LURAP1L: variants seen among roughly 807,000 people sequenced by gnomAD.
LURAP1L encodes the protein leucine rich adaptor protein 1 like.
LURAP1L carries 12 observed loss-of-function variants against 13.8 expected under a neutral mutation model. The observed-to-expected ratio is 0.87, with a 90% CI of 0.56 to 1.41. The LOEUF (loss-of-function observed/expected upper bound fraction) is 1.41, where lower values mean the gene tolerates loss of function less well. Among genes scored for constraint, LURAP1L ranks in the 40% most tolerant of loss-of-function variants. The probability of loss-of-function intolerance (pLI) is 0.00; values close to 1 mark genes in which losing one functional copy is unlikely to be tolerated. For synonymous variants in LURAP1L, 139 were observed against 119.2 expected, an observed-to-expected ratio of 1.17 and a Z score of -1.08; for missense variants, 375 against 292.9, an observed-to-expected ratio of 1.28 and a Z score of -2.04.
Position 12,775,991 on chromosome 9 carries a change from G to C in LURAP1L, c.276G>C (p.Arg92Ser). The C allele has an allele frequency of 6.2e-7, 1 of 1,610,226 alleles. No individual in the cohort carries two copies. Among genetic ancestry groups the C allele is most frequent in the Non-Finnish European group, 8.5e-7 (1 of 1,178,586 alleles). Residue 92 changes from arginine (R) to serine (S), a missense_variant, in exon 1 of 2, where the codon AGG becomes AGC. Arg to Ser is a moderately radical substitution (Grantham distance 110). Transcript: ENST00000319264. The part of the protein sequence containing the change: ...PRGSHSSALE[R>S]LETKLHLLRQ... ...GTAGCCACTCTAGCGCCCTGGAGAG[G>C]CTAGAAACCAAGCTTCACCTCCTCA... is the stretch of plus-strand genomic sequence containing the variant.
At chr9:12,776,112 G>A (rs1388220009) in intron 1 of LURAP1L, 85 bp downstream of exon 1, 10 of 1,364,986 alleles carry the variant, frequency 7.3e-6, no homozygotes, top group Non-Finnish European at 1.0e-5. Flanking sequence ...TGGGAGAGAG[G>A]ACGGCAGGGG....
chr9:12,776,999 C>G (rs1436344190), intron 1 of LURAP1L, among the ~76,000 whole-genome samples: 1 of 152,100 alleles, frequency 6.6e-6, no homozygotes, highest in Admixed American at 6.5e-5. Context: ...TTTCTACTAG[C>G]TTGGAGATAA....
In LURAP1L at chr9:12,775,933, C is replaced by A. The variant is rs370041576; in HGVS notation, c.218C>A (p.Ser73Tyr). The change falls in exon 1 of 2, where the codon TCT becomes TAT. Residue 73 changes from serine to tyrosine, a missense_variant. Coordinates refer to ENST00000319264, the MANE Select transcript of LURAP1L (RefSeq NM_203403.2). ...CSFPPSLSSS[S>Y]SSSPTSGSPR... is the part of the protein sequence containing the mutation. The stretch of plus-strand genomic sequence containing the variant: ...TTCCCTCCCTCCTTGTCGTCCTCCT[C>A]TTCGTCCTCCCCAACCTCTGGCTCC... 6.2e-5 allele frequency: 98 copies of A among 1,578,192 alleles called. No homozygotes were observed. The highest frequency in any genetic ancestry group is 7.6e-5 in the Non-Finnish European group (88 of 1,162,096).
At chr9:12,802,754 G>A (rs778444437) in intron 1 of LURAP1L, among the ~76,000 whole-genome samples, 6 of 152,032 alleles carry the variant, frequency 3.9e-5, no homozygotes, top group Non-Finnish European at 7.4e-5. Context: ...GAACTGTCAC[G>A]GCATCTCTCG....
chr9:12,776,180 C>T (rs1819179777), intron 1 of LURAP1L, among the ~76,000 whole-genome samples, 153 bp downstream of exon 1: 2 of 152,108 alleles, frequency 1.3e-5, no homozygotes, highest in Admixed American at 1.3e-4. Context: ...GAGCAGGGGG[C>T]GCTCATCCGG....
intron 1 of LURAP1L, among the ~76,000 whole-genome samples, chr9:12,788,122 G>A (rs1819384281): frequency 7.5e-6 from 1 of 133,356 alleles, no homozygotes; most frequent in South Asian, 2.4e-4. Flanking sequence ...AAGAAAGAAT[G>A]AAGGAAGGAA....
chr9:12,791,146 C>A (rs574594427), intron 1 of LURAP1L, among the ~76,000 whole-genome samples: 1 of 152,006 alleles, frequency 6.6e-6, no homozygotes, highest in African/African-American at 2.4e-5. Flanking sequence ...GCAGTGTTCA[C>A]ATAAGTAAGA....
chr9:12,801,455 T>A (rs866106813), intron 1 of LURAP1L, among the ~76,000 whole-genome samples: 19 of 152,126 alleles, frequency 1.2e-4, no homozygotes, highest in African/African-American at 4.1e-4. Flanking sequence ...AGTATGTACA[T>A]ATATGCATGT....
At chr9:12,805,761 C>T (rs1376375834) in intron 1 of LURAP1L, among the ~76,000 whole-genome samples, 1 of 152,144 alleles carries the variant, frequency 6.6e-6, no homozygotes, top group Non-Finnish European at 1.5e-5. Context: ...CCTAGTTATT[C>T]AGTACCTACT....
At chr9:12,797,301 C>G (rs1271290056) in intron 1 of LURAP1L, among the ~76,000 whole-genome samples, 4 of 151,964 alleles carry the variant, frequency 2.6e-5, no homozygotes, top group Non-Finnish European at 5.9e-5. Context: ...ACTACAAAAC[C>G]AGCCTAGAAA....
chr9:12,803,934 C>T (rs2118519578), intron 1 of LURAP1L, among the ~76,000 whole-genome samples: 1 of 152,256 alleles, frequency 6.6e-6, no homozygotes, highest in South Asian at 2.1e-4. Context: ...TCACAATATT[C>T]AATACTTGGT....
chr9:12,816,220 G>A (rs971770754), intron 1 of LURAP1L, among the ~76,000 whole-genome samples: 1 of 152,106 alleles, frequency 6.6e-6, no homozygotes, highest in Non-Finnish European at 1.5e-5. Context: ...TATCTGAAAC[G>A]AAATCTCAGT....
Position 12,775,522 on chromosome 9 carries a change from C to T in LURAP1L, c.-194C>T. On this transcript the variant is annotated 5_prime_UTR_variant, in exon 1 of 2. Transcript: ENST00000319264. The stretch of plus-strand genomic sequence containing the variant: ...CGCAGCGGACTGGGAACTGCAGCTG[C>T]GACCCCCCGCGTCCTGTGCGGATTT... 2.6e-6 allele frequency: 2 copies of T among 763,108 alleles called. No homozygotes were observed. Among genetic ancestry groups the T allele is most frequent in the Non-Finnish European group, 3.8e-6 (2 of 519,826 alleles). 47.3% of individuals were successfully genotyped at this position (763,108 alleles called of 1,614,324 possible).
intron 1 of LURAP1L, among the ~76,000 whole-genome samples, chr9:12,779,046 G>T (rs918973006): frequency 2.6e-5 from 4 of 152,052 alleles, no homozygotes; most frequent in African/African-American, 9.7e-5. Flanking sequence ...ATAAAACAGT[G>T]TATTGCTATG....
intron 1 of LURAP1L, among the ~76,000 whole-genome samples, chr9:12,793,595 G>A (rs1288075423): frequency 6.6e-6 from 1 of 152,006 alleles, no homozygotes; most frequent in Non-Finnish European, 1.5e-5. Context: ...ATTCAGTGAA[G>A]CAATTGACTA....
rs1384056974 is a variant in LURAP1L at position 12,821,775 on chromosome 9, A to T, written c.*15A>T. On this transcript the variant is annotated 3_prime_UTR_variant, in exon 2 of 2. Coordinates refer to ENST00000319264, the MANE Select transcript of LURAP1L (RefSeq NM_203403.2). Reference sequence around the variant, plus strand: ...GCTTTGGCTAGTGACAGTTTTTTGCATGGGACTGGTGTGCAATGAACTTGT... The same window carrying T: ...GCTTTGGCTAGTGACAGTTTTTTGCTTGGGACTGGTGTGCAATGAACTTGT... 2.5e-6 allele frequency: 4 copies of T among 1,605,062 alleles called. No homozygotes were observed. The highest frequency in any genetic ancestry group is 3.4e-6 in the Non-Finnish European group (4 of 1,173,356).
intron 1 of LURAP1L, among the ~76,000 whole-genome samples, chr9:12,787,906 A>G (rs1747872360): frequency 6.6e-6 from 1 of 151,944 alleles, no homozygotes; most frequent in African/African-American, 2.4e-5. Context: ...GAAGTCAGGA[A>G]TTCAAGACCA....
In LURAP1L at chr9:12,822,493, G is replaced by T. The variant is rs1244904937; in HGVS notation, c.*733G>T. ...GAGATTAAGTATGGAGGCCATTCAA[G>T]GCAAAAATGTCCTAAATTTAATTGC... On this transcript the variant is annotated 3_prime_UTR_variant, in exon 2 of 2. Coordinates refer to ENST00000319264, the MANE Select transcript of LURAP1L (RefSeq NM_203403.2). Among the ~76,000 whole-genome samples, 1 of 152,148 alleles carries T rather than the reference G, an allele frequency of 6.6e-6. No individual in the cohort carries two copies. Among genetic ancestry groups the T allele is most frequent in the African/African-American group, 2.4e-5 (1 of 41,432 alleles).
intron 1 of LURAP1L, among the ~76,000 whole-genome samples, chr9:12,792,074 C>T (rs982318611): frequency 9.9e-5 from 15 of 152,092 alleles, no homozygotes; most frequent in African/African-American, 2.4e-4. Flanking sequence ...AATTTCTCAC[C>T]TTTCTATTGG....
Sources: allele counts gnomAD v4.1 joint callset (sites outside exome capture counted in the v4.1 genomes callset), GRCh38; gene constraint gnomAD v4.1.1; transcripts MANE v1.5; gene names NCBI Gene and HGNC (gene_info 2026-07-23, HGNC 2026-07-21).